CMIP: variants seen among roughly 807,000 people sequenced by gnomAD.
CMIP encodes C-Maf-inducing protein.
In CMIP, 13 loss-of-function variants were observed where a neutral mutation model predicts 97.3. The ratio of observed to expected loss-of-function variants is 0.13; its 90% CI spans 0.09 to 0.21. The LOEUF (loss-of-function observed/expected upper bound fraction) is 0.21. Among genes scored for constraint, CMIP ranks in the 10% least tolerant of loss-of-function variants. The pLI, the probability that CMIP is intolerant of heterozygous loss-of-function variation, is 1.00. For synonymous variants in CMIP, 538 were observed against 436.3 expected (o/e 1.23, Z -2.91); for missense variants, 847 against 1,024.9 (o/e 0.83, Z 2.37).
chr16:81,478,243 C>G (rs1048782020), intron 1 of CMIP, among the ~76,000 whole-genome samples: 1 of 152,220 alleles, frequency 6.6e-6, no homozygotes, highest in African/African-American at 2.4e-5. Flanking sequence ...TTGAAAGCCA[C>G]TCACATGTAG....
chr16:81,629,621 T>C (rs2092126421), intron 3 of CMIP, among the ~76,000 whole-genome samples: 1 of 152,272 alleles, frequency 6.6e-6, no homozygotes, highest in South Asian at 2.1e-4. Flanking sequence ...CTGCCAGTTA[T>C]GACCTTGCAG....
At chr16:81,503,519 C>T (rs192968818) in intron 1 of CMIP, among the ~76,000 whole-genome samples, 2 of 152,314 alleles carry the variant, frequency 1.3e-5, no homozygotes, top group East Asian at 3.9e-4. Flanking sequence ...ACCTCAGCCT[C>T]CCGAGTAGGT....
At chr16:81,645,244 T>C (rs2092350735) in intron 3 of CMIP, 2 of 581,662 alleles carry the variant, frequency 3.4e-6, no homozygotes, top group South Asian at 5.9e-5. Context: ...CCGGGCTGGG[T>C]CCTCCCTGGC....
chr16:81,517,847 T>A, intron 1 of CMIP: 4 of 649,990 alleles, frequency 6.2e-6, no homozygotes, highest in Non-Finnish European at 7.7e-6. Context: ...TCTGGAGGCT[T>A]GGGAGATGCA....
chr16:81,685,465 A>C (rs534818613), intron 10 of CMIP, among the ~76,000 whole-genome samples: 29 of 152,212 alleles, frequency 1.9e-4, no homozygotes, highest in South Asian at 2.1e-4. Context: ...ATTGTGGGTG[A>C]TTTCAAATCT....
At chr16:81,554,770 C>T (rs1053153954) in intron 1 of CMIP, among the ~76,000 whole-genome samples, 1 of 152,190 alleles carries the variant, frequency 6.6e-6, no homozygotes, top group Non-Finnish European at 1.5e-5. Flanking sequence ...TGGAGATAAT[C>T]GTTATATCTG....
At chr16:81,486,391 C>G (rs2089314676) in intron 1 of CMIP, among the ~76,000 whole-genome samples, 1 of 152,212 alleles carries the variant, frequency 6.6e-6, no homozygotes, top group Non-Finnish European at 1.5e-5. Flanking sequence ...ATGTGGAAAC[C>G]AAGGATCATC....
intron 1 of CMIP, among the ~76,000 whole-genome samples, chr16:81,601,366 C>A (rs1158672131): frequency 3.3e-5 from 5 of 152,144 alleles, no homozygotes; most frequent in African/African-American, 9.7e-5. Flanking sequence ...CAAGGGAAGG[C>A]GAAGGCTAGG....
intron 3 of CMIP, among the ~76,000 whole-genome samples, chr16:81,641,808 C>T (rs2092309876): frequency 1.3e-5 from 2 of 152,198 alleles, no homozygotes; most frequent in Non-Finnish European, 2.9e-5. Flanking sequence ...AGGCGAGGCT[C>T]AACTCTCCGA....
At chr16:81,677,564 G>A (rs1212041832) in intron 9 of CMIP, among the ~76,000 whole-genome samples, 1 of 152,236 alleles carries the variant, frequency 6.6e-6, no homozygotes, top group Non-Finnish European at 1.5e-5. Flanking sequence ...GCTCTGACAA[G>A]TCCTGCCATT....
At position 81,602,839 on chromosome 16, in the gene CMIP, T is replaced by C. The variant is rs181088757; in HGVS notation, c.301-4728T>C. Among the ~76,000 whole-genome samples the C allele has an allele frequency of 4.1e-3, 624 of 152,316 alleles. 2 individuals are homozygous for C. Among genetic ancestry groups the C allele is most frequent in the African/African-American group, 0.014 (594 of 41,568 alleles). On this transcript the variant is annotated intron_variant, in intron 1 of 20. Coordinates refer to ENST00000537098, the MANE Select transcript of CMIP (RefSeq NM_198390.3). The stretch of plus-strand genomic sequence containing the variant: ...CCTCCTACCCCAGACAGGAATCTCC[T>C]CCCCTGGAGCTCCGGTCGTCATGTT...
At chr16:81,483,697 C>T (rs1177708692) in intron 1 of CMIP, among the ~76,000 whole-genome samples, 1 of 152,218 alleles carries the variant, frequency 6.6e-6, no homozygotes, top group Non-Finnish European at 1.5e-5. Flanking sequence ...GCCTTGCCCA[C>T]AGTCCAGTCT....
chr16:81,702,292 A>G lies in CMIP; in HGVS notation c.1897-330A>G, dbSNP rs570793882. On this transcript the variant is annotated intron_variant, in intron 16 of 20. Coordinates refer to ENST00000537098, the MANE Select transcript of CMIP (RefSeq NM_198390.3). ...CCCTTCAGTGAGATATGTTTGAGAC[A>G]TGGCTTCTCCACCATTTCTTAGAGT... 2.6e-5 allele frequency among the ~76,000 whole-genome samples: 4 copies of G among 152,296 alleles called. No individual in the cohort carries two copies. The South Asian group carries it at 6.2e-4, about 24-fold the overall frequency.
chr16:81,626,241 ATG>A (rs1224488228), intron 3 of CMIP, among the ~76,000 whole-genome samples: 3 of 98,786 alleles, frequency 3.0e-5, no homozygotes, highest in African/African-American at 6.6e-5. Context: ...GTAAGAGTGA[ATG>A]TGTGAGTGTG....
chr16:81,461,958 A>C (rs536973440), intron 1 of CMIP, among the ~76,000 whole-genome samples: 2 of 152,206 alleles, frequency 1.3e-5, no homozygotes, highest in Non-Finnish European at 2.9e-5. Context: ...GGCAGTTCTC[A>C]TGGAGCTGGC....
intron 1 of CMIP, among the ~76,000 whole-genome samples, chr16:81,516,440 T>G (rs1205879944): frequency 6.6e-6 from 1 of 152,206 alleles, no homozygotes; most frequent in Non-Finnish European, 1.5e-5. Flanking sequence ...GCCCTTGGTT[T>G]CTGCAGATAC....
At chr16:81,648,904 T>C (rs2092396171) in intron 3 of CMIP, among the ~76,000 whole-genome samples, 2 of 149,320 alleles carry the variant, frequency 1.3e-5, no homozygotes, top group Non-Finnish European at 3.0e-5. Flanking sequence ...TGATCTGCAC[T>C]GTCCCCTAGA....
At chr16:81,515,832 C>G (rs2089902328) in intron 1 of CMIP, among the ~76,000 whole-genome samples, 1 of 152,120 alleles carries the variant, frequency 6.6e-6, no homozygotes, top group Non-Finnish European at 1.5e-5. Flanking sequence ...GTGGGAGGAG[C>G]TGCTAGGAGG....
intron 1 of CMIP, among the ~76,000 whole-genome samples, chr16:81,605,829 C>G (rs1184200646): frequency 1.3e-5 from 2 of 152,256 alleles, no homozygotes; most frequent in Non-Finnish European, 2.9e-5. Context: ...GTCTTATTCA[C>G]TGCTGAATCT....
Sources: allele counts gnomAD v4.1 joint callset (sites outside exome capture counted in the v4.1 genomes callset), GRCh38; gene constraint gnomAD v4.1.1; transcripts MANE v1.5; gene names NCBI Gene and HGNC (gene_info 2026-07-23, HGNC 2026-07-21).